The following MYO7B variants were observed in gnomAD, a reference collection of about 807,000 sequenced individuals.
MYO7B encodes the protein unconventional myosin-VIIb.
In MYO7B, 212 loss-of-function variants were observed where a neutral mutation model predicts 259.7. That is an observed-to-expected ratio of 0.82 (90% CI 0.73 to 0.91). The LOEUF (loss-of-function observed/expected upper bound fraction) is 0.91, where lower values mean the gene tolerates loss of function less well. Ranked by LOEUF, MYO7B falls within the 40% of genes least tolerant of loss-of-function variation. MYO7B has a pLI of 0.00. For missense variants in MYO7B, 2,732 were observed against 2,813.5 expected (o/e 0.97, Z 0.66); for synonymous variants, 1,197 against 1,166.4 (o/e 1.03, Z -0.54).
chr2:127,574,313 G>C (rs1015777196), intron 7 of MYO7B, among the ~76,000 whole-genome samples: 2 of 152,132 alleles, frequency 1.3e-5, no homozygotes, highest in Non-Finnish European at 2.9e-5. Flanking sequence ...AAGCGGGTGG[G>C]TTACTTGAGG....
chr2:127,537,768 A>G (rs1247618448), intron 1 of MYO7B, among the ~76,000 whole-genome samples: 1 of 152,210 alleles, frequency 6.6e-6, no homozygotes, highest in Non-Finnish European at 1.5e-5. Context: ...CCACTGGACT[A>G]TGAGCTCCTC....
Position 127,585,163 on chromosome 2 carries a change from C to G in MYO7B, c.1690+250C>G, listed in dbSNP as rs1402923061. Among the ~76,000 whole-genome samples the G allele has an allele frequency of 6.6e-6, 1 of 152,172 alleles. No homozygotes were observed. On this transcript the variant is annotated intron_variant, in intron 14 of 47. Transcript: ENST00000409816. The surrounding 1 kb of genome is among the most constrained non-coding windows in gnomAD (Gnocchi z 4.3). ...TACCTATTTTAAGTGTACGACTTGA[C>G]TGTAATATATTCAGAGTATATTAAT...
intron 5 of MYO7B, 144 bp downstream of exon 5, chr2:127,566,971 C>T (rs1231588433): frequency 2.3e-6 from 2 of 859,986 alleles, no homozygotes; most frequent in East Asian, 2.8e-5. Context: ...CCCCAGTTAC[C>T]CTGCACCCCG....
Position 127,586,573 on chromosome 2 carries a change from A to C in MYO7B, c.1690+1660A>C, listed in dbSNP as rs1278289185. Among the ~76,000 whole-genome samples the C allele has an allele frequency of 6.6e-6, 1 of 152,138 alleles. No homozygotes were observed. The highest frequency in any genetic ancestry group is 1.5e-5 in the Non-Finnish European group (1 of 68,020). On this transcript the variant is annotated intron_variant, in intron 14 of 47. Coordinates refer to ENST00000409816, the MANE Select transcript of MYO7B (RefSeq NM_001393586.1). The surrounding 1 kb of genome is among the most constrained non-coding windows in gnomAD (Gnocchi z 4.8). ...GGCTTTGGGCTCTTGGAAAAGGGAG[A>C]GGCTGGAGCCAGTCGGACCTGCAGG...
rs1257788187 is a variant in MYO7B at position 127,635,102 on chromosome 2, C to T, written c.5714-18C>T. On this transcript the variant is annotated intron_variant, in intron 42 of 47. Coordinates refer to ENST00000409816, the MANE Select transcript of MYO7B (RefSeq NM_001393586.1). The stretch of plus-strand genomic sequence containing the variant: ...CCTGCTGGGACAGGCTTGGTGCCCA[C>T]TGCTGGCCCTCGCCCAGGGGCCCCC... 1.2e-6 allele frequency: 2 copies of T among 1,600,186 alleles called. No individual in the cohort carries two copies. Among genetic ancestry groups the T allele is most frequent in the Admixed American group, 3.4e-5 (2 of 58,930 alleles).
intron 19 of MYO7B, among the ~76,000 whole-genome samples, chr2:127,600,132 T>C (rs1235313482): frequency 1.3e-5 from 2 of 152,150 alleles, no homozygotes; most frequent in Non-Finnish European, 1.5e-5. Context: ...GGCCTGGGAA[T>C]TTTTTTATAG....
chr2:127,635,373 GCTCTGGA>G (rs1681746696), intron 43 of MYO7B, 147 bp downstream of exon 43: 1 of 743,322 alleles, frequency 1.3e-6, no homozygotes, highest in South Asian at 1.8e-5. Flanking sequence ...GCCCCTGAGG[GCTCTGGA>G]ACCAGGAGCA....
intron 26 of MYO7B, among the ~76,000 whole-genome samples, chr2:127,618,254 A>G (rs1332053485): frequency 6.6e-6 from 1 of 152,172 alleles, no homozygotes; most frequent in Admixed American, 6.5e-5. Context: ...ACGAGACGGA[A>G]CGAAGGGGGA....
rs368348327 is a variant in MYO7B, at chr2:127,592,936, T to C, written c.2135T>C (p.Met712Thr). 7 of 1,593,898 alleles carry C rather than the reference T, an allele frequency of 4.4e-6. No homozygotes were observed. The highest frequency in any genetic ancestry group is 6.0e-6 in the Non-Finnish European group (7 of 1,171,270). Reference protein sequence around the residue: ...QRFGVLLPNAMRMQLQGKLRQ... With the variant: ...QRFGVLLPNATRMQLQGKLRQ... ...TTCGGCGTGTTGCTGCCCAACGCCA[T>C]GCGGATGCAGGTCAGCGCCCCTCGG... The change falls in exon 17 of 48, where the codon ATG becomes ACG. Residue 712 changes from methionine to threonine, a missense_variant. Physicochemically the swap from Met to Thr is moderately conservative, Grantham distance 81 (BLOSUM62 -1). Around this residue, in one of 3 missense-constraint regions of MYO7B, gnomAD observed 1,906 missense variants for 2,026.4 expected, o/e 0.94. Coordinates refer to ENST00000409816, the MANE Select transcript of MYO7B (RefSeq NM_001393586.1).
At position 127,586,651 on chromosome 2, in the gene MYO7B, G is replaced by C. The variant is rs1679317354; in HGVS notation, c.1690+1738G>C. The stretch of plus-strand genomic sequence containing the variant: ...CCCATCCTCCATGGGGCAATTCAAG[G>C]CTGAGTTTTATTTTTTGAAATGATA... On this transcript the variant is annotated intron_variant, in intron 14 of 47. Transcript: ENST00000409816. The surrounding 1 kb of genome is among the most constrained non-coding windows in gnomAD (Gnocchi z 4.8). Among the ~76,000 whole-genome samples the C allele has an allele frequency of 6.6e-6, 1 of 152,176 alleles. No individual in the cohort carries two copies. Among genetic ancestry groups the C allele is most frequent in the African/African-American group, 2.4e-5 (1 of 41,444 alleles).
chr2:127,631,034 G>C, intron 36 of MYO7B, 126 bp downstream of exon 36: 1 of 1,375,896 alleles, frequency 7.3e-7, no homozygotes, highest in Non-Finnish European at 9.8e-7. Context: ...GAGAGGCCAC[G>C]CCACCCATGT....
chr2:127,556,084 T>C (rs1286359853), intron 1 of MYO7B, among the ~76,000 whole-genome samples: 3 of 152,236 alleles, frequency 2.0e-5, no homozygotes, highest in Non-Finnish European at 4.4e-5. Flanking sequence ...GCTCCAGTGT[T>C]AGGTGCATGT....
intron 40 of MYO7B, 94 bp downstream of exon 40, chr2:127,633,457 C>G (rs920415124): frequency 1.6e-6 from 2 of 1,266,304 alleles, no homozygotes; most frequent in Non-Finnish European, 1.1e-6. Context: ...TTGGTAACCC[C>G]AGAGAGCCTT....
At chr2:127,573,825 G>A (rs1447573394) in intron 6 of MYO7B, 95 bp from the exon 7 acceptor site, 2 of 1,497,324 alleles carry the variant, frequency 1.3e-6, no homozygotes, top group East Asian at 2.3e-5. Context: ...TTCGAGGCTT[G>A]GCCACCTCCT....
chr2:127,635,324 C>T, intron 43 of MYO7B, 98 bp downstream of exon 43: 1 of 1,190,766 alleles, frequency 8.4e-7, no homozygotes, highest in South Asian at 1.3e-5. Context: ...CAGGGCCAGC[C>T]TCAGCCCTGG....
At chr2:127,623,479 C>T in intron 29 of MYO7B, 104 bp downstream of exon 29, 6 of 1,244,296 alleles carry the variant, frequency 4.8e-6, no homozygotes, top group Non-Finnish European at 6.5e-6. Flanking sequence ...CACCACCTAC[C>T]CTCCCAGCTG....
Position 127,628,283 on chromosome 2 carries a change from G to A in MYO7B, c.4461-89G>A, listed in dbSNP as rs1405195224. 2.0e-6 allele frequency: 3 copies of A among 1,487,526 alleles called. No homozygotes were observed. The highest frequency in any genetic ancestry group is 2.7e-6 in the Non-Finnish European group (3 of 1,102,012). The allele number at this position is 1,487,526 out of a possible 1,614,324, so 92.1% of individuals were successfully genotyped here. A position where few individuals can be genotyped will look rare whatever the true frequency, so the allele number is the denominator to read the frequency against. On this transcript the variant is annotated intron_variant, in intron 33 of 47. Coordinates refer to ENST00000409816, the MANE Select transcript of MYO7B (RefSeq NM_001393586.1). This position sits in a 1 kb window ranked among gnomAD's most constrained non-coding sequence, Gnocchi z 4.8. ...CTCTGTGTCCTCATCTGTGACTCAG[G>A]ACCCCCAACCCCACCTCCCGAGGCT...
chr2:127,584,109 C>T lies in MYO7B; in HGVS notation c.1344-13C>T, dbSNP rs1024557288. ...CCCCACTCCACCCCTGGGCAGTGAC[C>T]TTGCCTCCACAGCTTCGAGCAGCTC... On this transcript the variant is annotated splice_polypyrimidine_tract_variant and intron_variant, in intron 12 of 47. Coordinates refer to ENST00000409816, the MANE Select transcript of MYO7B (RefSeq NM_001393586.1). This position sits in a 1 kb window ranked among gnomAD's most constrained non-coding sequence, Gnocchi z 5.8. The T allele has an allele frequency of 6.2e-7, 1 of 1,608,056 alleles. No homozygotes were observed. Among genetic ancestry groups the T allele is most frequent in the Non-Finnish European group, 8.5e-7 (1 of 1,177,196 alleles).
chr2:127,558,307 C>T (rs1319956972), intron 1 of MYO7B, among the ~76,000 whole-genome samples: 1 of 152,188 alleles, frequency 6.6e-6, no homozygotes, highest in Non-Finnish European at 1.5e-5. Context: ...TACCACCTTA[C>T]TCCTACAAGA....
Sources: allele counts gnomAD v4.1 joint callset (sites outside exome capture counted in the v4.1 genomes callset), GRCh38; gene constraint gnomAD v4.1.1; regional missense constraint gnomAD v4.1.1; non-coding constraint Gnocchi (gnomAD v3.1); transcripts MANE v1.5; gene names NCBI Gene and HGNC (gene_info 2026-07-23, HGNC 2026-07-21).